CPNE8: variants seen among roughly 807,000 people sequenced by gnomAD.
CPNE8 encodes the protein copine-8.
A neutral mutation model predicts 81.5 loss-of-function variants in CPNE8; 45 were observed. That is an observed-to-expected ratio of 0.55 (90% CI 0.44 to 0.71). The LOEUF (loss-of-function observed/expected upper bound fraction) is 0.71, where lower values mean the gene tolerates loss of function less well. Ranked by LOEUF, CPNE8 falls within the 30% of genes least tolerant of loss-of-function variation. CPNE8 has a pLI of 0.00. For synonymous variants in CPNE8, 252 were observed against 226.3 expected (o/e 1.11, Z -1.02); for missense variants, 594 against 672.1 (o/e 0.88, Z 1.28).
Position 38,652,430 on chromosome 12 carries a change from T to C in CPNE8, c.*1452A>G, listed in dbSNP as rs957728457. On this transcript the variant is annotated 3_prime_UTR_variant, in exon 20 of 20. Transcript: ENST00000331366. ...CATAGTTATATAACATTGATACTGT[T>C]AGATATGTGGATGTATATATTTTTC... 38 of 152,572 alleles carry C rather than the reference T, an allele frequency of 2.5e-4. No individual in the cohort carries two copies. Among genetic ancestry groups the C allele is most frequent in the African/African-American group, 8.7e-4 (36 of 41,442 alleles). The allele number at this position is 152,572 out of a possible 1,614,324, so 9.5% of individuals were successfully genotyped here.
intron 6 of CPNE8, among the ~76,000 whole-genome samples, chr12:38,811,492 A>G (rs1247608302): frequency 1.3e-5 from 2 of 152,230 alleles, no homozygotes; most frequent in African/African-American, 4.8e-5. Flanking sequence ...ATATACAGTA[A>G]GATTTCAGTT....
chr12:38,686,838 T>TG (rs1939545655), intron 15 of CPNE8, among the ~76,000 whole-genome samples: 2 of 152,124 alleles, frequency 1.3e-5, no homozygotes, highest in Non-Finnish European at 2.9e-5. Flanking sequence ...GATTGAGTGA[T>TG]CCCAGAGAAA....
At chr12:38,709,214 A>G (rs1249976200) in intron 13 of CPNE8, among the ~76,000 whole-genome samples, 2 of 152,208 alleles carry the variant, frequency 1.3e-5, no homozygotes, top group South Asian at 2.1e-4. Context: ...TTGTCATCCA[A>G]CCTAACCCTT....
chr12:38,829,466 T>C lies in CPNE8; in HGVS notation c.331-11A>G, dbSNP rs771302018. On this transcript the variant is annotated splice_polypyrimidine_tract_variant and intron_variant, in intron 5 of 19. Transcript: ENST00000331366. Reference sequence around the variant, plus strand: ...TTGTCCCAGAAAGTCCTGAAATAGATAAAAAGATTAAAGCTCATAAGTTTC... The same window carrying C: ...TTGTCCCAGAAAGTCCTGAAATAGACAAAAAGATTAAAGCTCATAAGTTTC... 59 of 1,585,244 alleles carry C rather than the reference T, an allele frequency of 3.7e-5. No individual in the cohort carries two copies. The Admixed American group carries it at 9.9e-4, about 26-fold the overall frequency.
intron 15 of CPNE8, among the ~76,000 whole-genome samples, chr12:38,688,533 T>G (rs1232841842): frequency 6.6e-6 from 1 of 152,142 alleles, no homozygotes; most frequent in Non-Finnish European, 1.5e-5. Context: ...TGGCACAATT[T>G]GCAATTGCAA....
At chr12:38,805,886 A>C (rs1452959263) in intron 6 of CPNE8, among the ~76,000 whole-genome samples, 2 of 149,622 alleles carry the variant, frequency 1.3e-5, no homozygotes, top group African/African-American at 4.8e-5. Context: ...AGAGAGAAGA[A>C]TCAAATAGAC....
chr12:38,688,366 T>C (rs1565567880), intron 15 of CPNE8, among the ~76,000 whole-genome samples: 1 of 152,204 alleles, frequency 6.6e-6, no homozygotes, highest in Non-Finnish European at 1.5e-5. Context: ...GAATACCTTA[T>C]ATAAAATTAT....
intron 9 of CPNE8, among the ~76,000 whole-genome samples, 188 bp from the exon 10 acceptor site, chr12:38,761,076 T>G (rs889251532): frequency 2.6e-5 from 4 of 152,234 alleles, no homozygotes; most frequent in Non-Finnish European, 5.9e-5. Flanking sequence ...AAGAGGCTTC[T>G]AAAATCTTCA....
At chr12:38,818,893 G>T (rs1362983524) in intron 6 of CPNE8, among the ~76,000 whole-genome samples, 20 of 152,144 alleles carry the variant, frequency 1.3e-4, no homozygotes, top group Admixed American at 1.2e-3. Context: ...GTGTTGATGA[G>T]CTTTTTTTCA....
At chr12:38,688,734 A>G (rs933871680) in intron 15 of CPNE8, among the ~76,000 whole-genome samples, 1 of 152,064 alleles carries the variant, frequency 6.6e-6, no homozygotes, top group African/African-American at 2.4e-5. Context: ...ATAGAAAACC[A>G]AATATTGTCT....
intron 3 of CPNE8, among the ~76,000 whole-genome samples, chr12:38,871,185 A>T (rs535611072): frequency 1.7e-4 from 26 of 152,322 alleles, no homozygotes; most frequent in Non-Finnish European, 3.1e-4. Flanking sequence ...CCACTTAAGA[A>T]TTAACTCCCA....
intron 7 of CPNE8, among the ~76,000 whole-genome samples, chr12:38,774,766 A>G (rs1941890704): frequency 6.6e-6 from 1 of 152,174 alleles, no homozygotes; most frequent in African/African-American, 2.4e-5. Context: ...ATAGTCTTTA[A>G]CAGCATTATA....
intron 18 of CPNE8, among the ~76,000 whole-genome samples, chr12:38,671,667 A>G (rs1213661874): frequency 6.6e-6 from 1 of 152,310 alleles, no homozygotes; most frequent in East Asian, 1.9e-4. Context: ...GCTTACAATT[A>G]TAATTTTGGC....
intron 5 of CPNE8, among the ~76,000 whole-genome samples, chr12:38,834,051 G>A (rs1943342826): frequency 6.6e-6 from 1 of 152,076 alleles, no homozygotes; most frequent in Non-Finnish European, 1.5e-5. Context: ...GGTAACCAGG[G>A]GCTATATCAA....
intron 6 of CPNE8, among the ~76,000 whole-genome samples, chr12:38,787,169 C>G (rs1261258717): frequency 1.3e-5 from 2 of 152,074 alleles, no homozygotes; most frequent in Non-Finnish European, 2.9e-5. Flanking sequence ...TGTTCCTCAT[C>G]ACATGGATCA....
chr12:38,857,619 A>G (rs1040023175), intron 3 of CPNE8, among the ~76,000 whole-genome samples: 2 of 152,244 alleles, frequency 1.3e-5, no homozygotes, highest in Non-Finnish European at 2.9e-5. Context: ...AAAATTAAAA[A>G]TAAGAGGGTT....
intron 15 of CPNE8, among the ~76,000 whole-genome samples, chr12:38,686,587 C>T (rs1939540085): frequency 6.6e-6 from 1 of 152,214 alleles, no homozygotes; most frequent in African/African-American, 2.4e-5. Flanking sequence ...CATTTATTAT[C>T]TCACACATTT....
intron 5 of CPNE8, among the ~76,000 whole-genome samples, chr12:38,830,070 G>A (rs1306170679): frequency 6.6e-6 from 1 of 152,104 alleles, no homozygotes; most frequent in Non-Finnish European, 1.5e-5. Flanking sequence ...TATTGTAAGT[G>A]CCTAAAAATG....
At position 38,842,333 on chromosome 12, in the gene CPNE8, A is replaced by C. The variant is rs11169784; in HGVS notation, c.291-2378T>G. Among the ~76,000 whole-genome samples, 778 of 152,280 alleles carry C rather than the reference A, an allele frequency of 5.1e-3. 7 individuals carry two copies. The highest frequency in any genetic ancestry group is 0.018 in the African/African-American group (748 of 41,570). Reference sequence around the variant, plus strand: ...TTCTCAAAAATCAACTCTGGAAACTATCTTCTAAAAAGAACCGAGTGTGGA... The same window carrying C: ...TTCTCAAAAATCAACTCTGGAAACTCTCTTCTAAAAAGAACCGAGTGTGGA... On this transcript the variant is annotated intron_variant, in intron 4 of 19. Transcript: ENST00000331366.
Sources: gnomAD v4.1 joint callset for allele counts (sites outside exome capture counted in the v4.1 genomes callset) on GRCh38, gnomAD v4.1.1 for gene constraint, MANE v1.5 for transcripts, NCBI Gene and HGNC (gene_info 2026-07-23, HGNC 2026-07-21) for gene names.